Variants in ZNF74 observed in about 807,000 individuals in gnomAD.
ZNF74 encodes the protein zinc finger protein 74.
ZNF74 carries 12 observed loss-of-function variants against 17.7 expected under a neutral mutation model. That is an observed-to-expected ratio of 0.68 (90% confidence interval 0.43 to 1.10). The LOEUF is 1.10. Ranked by LOEUF, ZNF74 falls within the 50% of genes least tolerant of loss-of-function variation. The pLI, the probability that ZNF74 is intolerant of heterozygous loss-of-function variation, is 0.00. For missense variants in ZNF74, 811 were observed against 881.0 expected, an observed-to-expected ratio of 0.92 and a Z score of 1.01; for synonymous variants, 358 against 362.1, an observed-to-expected ratio of 0.99 and a Z score of 0.13.
chr22:20,404,083 C>T (rs1047841236), intron 4 of ZNF74, among the ~76,000 whole-genome samples: 3 of 152,176 alleles, frequency 2.0e-5, no homozygotes, highest in Non-Finnish European at 4.4e-5. Context: ...CAGCTCTGCC[C>T]GCTGCACTAG....
rs1287343447 is a variant in ZNF74, at chr22:20,406,119, C to T, written c.1086C>T (p.Cys362=). The T allele has an allele frequency of 6.2e-7, 1 of 1,613,574 alleles. No homozygotes were observed. Residue 362 remains cysteine, a synonymous_variant, in exon 5 of 5, where the codon TGC becomes TGT. Coordinates refer to ENST00000400451, the MANE Select transcript of ZNF74 (RefSeq NM_003426.4). ...RVHTGEKPYR[C]GECGKAFNQR... ...ACACCGGCGAGAAGCCCTACCGGTGCGGCGAGTGCGGCAAGGCCTTCAACC... is the reference window on the plus strand; with the variant it reads ...ACACCGGCGAGAAGCCCTACCGGTGTGGCGAGTGCGGCAAGGCCTTCAACC...
Position 20,402,885 on chromosome 22 carries a change from T to C in ZNF74, c.343+1513T>C, listed in dbSNP as rs553918408. Among the ~76,000 whole-genome samples, 118 of 151,858 alleles carry C rather than the reference T, an allele frequency of 7.8e-4. 3 individuals carry two copies. In the South Asian group the frequency reaches 0.024, roughly 31 times the overall value. On this transcript the variant is annotated intron_variant, in intron 4 of 4. Coordinates refer to ENST00000400451, the MANE Select transcript of ZNF74 (RefSeq NM_003426.4). The stretch of plus-strand genomic sequence containing the variant: ...TACTCTGGAGGCTTAGGCAGGAGAA[T>C]TGCTTGAACCCGGGAGGCAGAGGTT...
rs5761416 is a variant in ZNF74 at position 20,402,678 on chromosome 22, G to A, written c.343+1306G>A. On this transcript the variant is annotated intron_variant, in intron 4 of 4. Transcript: ENST00000400451. Reference sequence around the variant, plus strand: ...TAGCTGGGCATGGTGGTGCATGCCTGTAATCCCAGCTACTTGGGAGGCTGA... The same window carrying A: ...TAGCTGGGCATGGTGGTGCATGCCTATAATCCCAGCTACTTGGGAGGCTGA... Among the ~76,000 whole-genome samples the A allele has an allele frequency of 2.1e-3, 323 of 152,094 alleles. 10 individuals carry two copies. In the East Asian group the frequency reaches 0.057, roughly 27 times the overall value.
rs200346419 is a variant in ZNF74, at chr22:20,405,784, G to T, written c.751G>T (p.Gly251Cys). Residue 251 changes from glycine to cysteine, a missense_variant, in exon 5 of 5, where the codon GGC (glycine) becomes TGC (cysteine). Transcript: ENST00000400451. Reference protein sequence around the residue: ...AGAGEGEFVCGECGKAFRQSS... With the variant: ...AGAGEGEFVCCECGKAFRQSS... ...CGCCGGGGAGGGCGAGTTCGTGTGC[G>T]GCGAGTGCGGGAAGGCGTTCCGCCA... The T allele has an allele frequency of 4.1e-5, 66 of 1,610,808 alleles. 1 individual carries two copies. In the East Asian group the frequency reaches 9.6e-4, roughly 23 times the overall value.
At position 20,405,840 on chromosome 22, in the gene ZNF74, G is replaced by GCA; in HGVS notation, c.810_811dup (p.Ser271ThrfsTer341). ...CCTCCCTCACGCTGCACCGGCGCTG[G>GCA]CACAGCCGGGAGAAGGCTTACAAGT... On this transcript the variant is annotated frameshift_variant, in exon 5 of 5. Coordinates refer to ENST00000400451, the MANE Select transcript of ZNF74 (RefSeq NM_003426.4). LOFTEE classifies it low-confidence loss of function (END_TRUNC). The GCA allele has an allele frequency of 6.2e-7, 1 of 1,612,998 alleles. No individual in the cohort carries two copies. Among genetic ancestry groups the GCA allele is most frequent in the East Asian group, 2.2e-5 (1 of 44,826 alleles).
intron 2 of ZNF74, chr22:20,399,728 T>G: frequency 1.2e-5 from 3 of 249,700 alleles, no homozygotes; most frequent in South Asian, 1.1e-4. Context: ...GCTGGGATTA[T>G]AGGCGTGAGC....
chr22:20,394,832 C>T, intron 1 of ZNF74, 170 bp downstream of exon 1: 1 of 628,368 alleles, frequency 1.6e-6, no homozygotes. Flanking sequence ...TTGATCTCCG[C>T]TCACTGCAAC....
Position 20,406,812 on chromosome 22 carries a change from C to T in ZNF74, c.1779C>T (p.Leu593=). The change falls in exon 5 of 5, where the codon CTC becomes CTT. Residue 593 remains leucine, a synonymous_variant. Coordinates refer to ENST00000400451, the MANE Select transcript of ZNF74 (RefSeq NM_003426.4). ...PLAIQFNKHL[L]STYYVPGSLL... ...CCATCCAGTTCAACAAACACCTGCT[C>T]AGCACATACTACGTGCCTGGCAGCC... The T allele has an allele frequency of 6.2e-7, 1 of 1,614,072 alleles. No individual in the cohort carries two copies. The highest frequency in any genetic ancestry group is 8.5e-7 in the Non-Finnish European group (1 of 1,180,018).
Position 20,394,710 on chromosome 22 carries a change from G to T in ZNF74, c.34+48G>T, listed in dbSNP as rs774456679. 13 of 1,591,272 alleles carry T rather than the reference G, an allele frequency of 8.2e-6. No individual in the cohort carries two copies. The South Asian group carries it at 1.4e-4, about 18-fold the overall frequency. ...AGTATGTCTGTGGATTTGCACTTGA[G>T]GATATTGACACTCAGAGAGATCAGG... On this transcript the variant is annotated intron_variant, in intron 1 of 4. Coordinates refer to ENST00000400451, the MANE Select transcript of ZNF74 (RefSeq NM_003426.4).
intron 2 of ZNF74, among the ~76,000 whole-genome samples, chr22:20,396,453 T>C (rs2052295039): frequency 1.3e-5 from 2 of 152,082 alleles, no homozygotes; most frequent in African/African-American, 4.8e-5. Context: ...ATGAAATTTA[T>C]TGCATGTGAT....
At chr22:20,395,746 G>C (rs1014468940) in intron 2 of ZNF74, among the ~76,000 whole-genome samples, 5 of 152,164 alleles carry the variant, frequency 3.3e-5, no homozygotes, top group Admixed American at 6.5e-5. Context: ...GGGTCGCTTT[G>C]CCTATCCACG....
In ZNF74 at chr22:20,406,344, G is replaced by A. The variant is rs2052426602; in HGVS notation, c.1311G>A (p.Thr437=). The A allele has an allele frequency of 6.2e-7, 1 of 1,609,200 alleles. No homozygotes were observed. The highest frequency in any genetic ancestry group is 1.7e-5 in the Admixed American group (1 of 59,636). ...SRSRLTLHQR[T]HTGEKPFKCA... ...CGCGCCTCACCCTCCACCAGAGGAC[G>A]CACACGGGCGAGAAGCCCTTCAAGT... The change falls in exon 5 of 5, where the codon ACG becomes ACA. Residue 437 remains threonine, a synonymous_variant. Transcript: ENST00000400451.
chr22:20,395,968 C>T (rs1189977416), intron 2 of ZNF74, among the ~76,000 whole-genome samples: 3 of 152,238 alleles, frequency 2.0e-5, no homozygotes, highest in African/African-American at 7.2e-5. Context: ...AATCTGGGGG[C>T]TCAGCAAGGA....
intron 2 of ZNF74, among the ~76,000 whole-genome samples, chr22:20,397,081 CT>C (rs770383844): frequency 1.4e-3 from 200 of 146,104 alleles, no homozygotes; most frequent in African/African-American, 3.9e-3. Flanking sequence ...CTTTCTTTTT[CT>C]TTTTTTTTTT....
In ZNF74 at chr22:20,399,558, G is replaced by A. The variant is rs571568094; in HGVS notation, c.121-1074G>A. On this transcript the variant is annotated intron_variant, in intron 2 of 4. Transcript: ENST00000400451. ...ATTTAGTGTAATTATTAATATGGTTGGATTTACATGTCCTTTTTTTTTTTT... is the reference window on the plus strand; with the variant it reads ...ATTTAGTGTAATTATTAATATGGTTAGATTTACATGTCCTTTTTTTTTTTT... 956 of 396,830 alleles carry A rather than the reference G, an allele frequency of 2.4e-3. 22 individuals are homozygous for A. The highest frequency in any genetic ancestry group is 0.016 in the South Asian group (911 of 56,032). The allele number at this position is 396,830 out of a possible 1,614,324, so 24.6% of individuals were successfully genotyped here. A position where few individuals can be genotyped will look rare whatever the true frequency, so the allele number is the denominator to read the frequency against.
chr22:20,406,321 C>T lies in ZNF74; in HGVS notation c.1288C>T (p.Arg430Cys). 4.3e-6 allele frequency: 7 copies of T among 1,612,000 alleles called. No individual in the cohort carries two copies. The highest frequency in any genetic ancestry group is 5.9e-6 in the Non-Finnish European group (7 of 1,179,814). ...CGAGAAGGCCTTCAACAGCCGCTCGCGCCTCACCCTCCACCAGAGGACGCA... is the reference window on the plus strand; with the variant it reads ...CGAGAAGGCCTTCAACAGCCGCTCGTGCCTCACCCTCCACCAGAGGACGCA... The part of the protein sequence containing the change: ...DCEKAFNSRS[R>C]LTLHQRTHTG... Residue 430 changes from arginine (R) to cysteine (C), a missense_variant, in exon 5 of 5, where the codon CGC becomes TGC. This residue lies in a region of ZNF74 where 666 missense variants were observed against 702.3 expected (regional missense o/e 0.95). Coordinates refer to ENST00000400451, the MANE Select transcript of ZNF74 (RefSeq NM_003426.4).
intron 2 of ZNF74, chr22:20,399,578 T>TG (rs2052334463): frequency 2.4e-6 from 1 of 412,452 alleles, no homozygotes; most frequent in Admixed American, 3.0e-5. Flanking sequence ...GTCCTTTTTT[T>TG]TTTTTTCTTT....
Position 20,405,940 on chromosome 22 carries a change from C to G in ZNF74, c.907C>G (p.Pro303Ala). The G allele has an allele frequency of 6.2e-7, 1 of 1,613,620 alleles. No individual in the cohort carries two copies. The highest frequency in any genetic ancestry group is 1.1e-5 in the South Asian group (1 of 91,058). Residue 303 changes from proline (P) to alanine (A), a missense_variant, in exon 5 of 5, where the codon CCC becomes GCC. Transcript: ENST00000400451. ...EHRRIHTGEK[P>A]FFCGECGKAF... ...CCGGCGCATCCACACCGGCGAGAAG[C>G]CCTTCTTCTGCGGCGAGTGCGGGAA...
rs780450286 is a variant in ZNF74 at position 20,405,453 on chromosome 22, G to A, written c.420G>A (p.Glu140=). ...AACCGGCCCAGGAGCCCATCATGGA[G>A]CGGCCCCTCGGCGGGGCGCAGGCGT... The part of the protein sequence containing the change: ...KEEPAQEPIM[E]RPLGGAQAWG... Residue 140 remains glutamate, a synonymous_variant, in exon 5 of 5, where the codon GAG becomes GAA. Coordinates refer to ENST00000400451, the MANE Select transcript of ZNF74 (RefSeq NM_003426.4). 16 of 1,613,192 alleles carry A rather than the reference G, an allele frequency of 9.9e-6. No homozygotes were observed. The highest frequency in any genetic ancestry group is 1.3e-5 in the Non-Finnish European group (15 of 1,179,790).
Sources: allele counts gnomAD v4.1 joint callset (sites outside exome capture counted in the v4.1 genomes callset), GRCh38; gene constraint gnomAD v4.1.1; regional missense constraint gnomAD v4.1.1; transcripts MANE v1.5; gene names NCBI Gene and HGNC (gene_info 2026-07-23, HGNC 2026-07-21).